QTRT1: variants seen among roughly 807,000 people sequenced by gnomAD.
QTRT1 encodes the protein TGT, 43-KD subunit.
A neutral mutation model predicts 44.0 loss-of-function variants in QTRT1; 41 were observed. The ratio of observed to expected loss-of-function variants is 0.93; its 90% confidence interval spans 0.73 to 1.21. The LOEUF is 1.21. QTRT1 is among the 50% of genes most tolerant of loss of function. The pLI is 0.00. For missense variants in QTRT1, 542 were observed against 575.8 expected, an observed-to-expected ratio of 0.94 and a Z score of 0.60; for synonymous variants, 226 against 237.1, an observed-to-expected ratio of 0.95 and a Z score of 0.43.
rs897477618 is a variant in QTRT1 at position 10,705,679 on chromosome 19, G to T, written c.452-1623G>T. On this transcript the variant is annotated intron_variant, in intron 3 of 9. Transcript: ENST00000250237. ...GCCTCCCAAGTAGCTGGGACTTCAG[G>T]TGCATGCCACCATGCCGGGCTAATT... 2.8e-4 allele frequency among the ~76,000 whole-genome samples: 43 copies of T among 151,304 alleles called. No individual in the cohort carries two copies. In the Admixed American group the frequency reaches 2.8e-3, roughly 10 times the overall value.
intron 3 of QTRT1, chr19:10,706,891 G>A (rs1441920430): frequency 2.0e-5 from 4 of 200,414 alleles, no homozygotes; most frequent in Non-Finnish European, 4.1e-5. Context: ...CCATGTTGGC[G>A]AGGCTGGTCT....
Position 10,713,241 on chromosome 19 carries a change from C to A in QTRT1, c.1183C>A (p.Leu395Met). 1 of 1,598,322 alleles carries A rather than the reference C, an allele frequency of 6.3e-7. No homozygotes were observed. ...CTGTCCCACCTGGGCCACTGACGCT[C>A]TGGCCTCTGTGGGAATCACACTGGG... ...TLCPTWATDA[L>M]ASVGITLG Residue 395 changes from leucine (L) to methionine (M), a missense_variant, in exon 10 of 10, where the codon CTG becomes ATG. Physicochemically the swap from Leu to Met is conservative, Grantham distance 15. Coordinates refer to ENST00000250237, the MANE Select transcript of QTRT1 (RefSeq NM_031209.3). The surrounding 1 kb of genome is among the most constrained non-coding windows in gnomAD (Gnocchi z 4.3).
chr19:10,713,014 C>T lies in QTRT1; in HGVS notation c.1033C>T (p.Leu345Phe). 6.2e-7 allele frequency: 1 copy of T among 1,611,668 alleles called. No individual in the cohort carries two copies. Among genetic ancestry groups the T allele is most frequent in the African/African-American group, 1.3e-5 (1 of 75,042 alleles). The change falls in exon 9 of 10, where the codon CTC becomes TTC. Residue 345 changes from leucine (L) to phenylalanine (F), a missense_variant. By Grantham distance (22) the Leu-to-Phe change is conservative. Transcript: ENST00000250237. This position sits in a 1 kb window ranked among gnomAD's most constrained non-coding sequence, Gnocchi z 4.3. ...HSDNTAALHH[L>F]TVHNIAYQLQ... ...TGACAACACGGCCGCGCTGCACCAC[C>T]TCACGGTCCACAACATCGCCTACCA... is the stretch of plus-strand genomic sequence containing the variant.
At chr19:10,708,569 C>G (rs1281463267) in intron 5 of QTRT1, among the ~76,000 whole-genome samples, 1 of 152,090 alleles carries the variant, frequency 6.6e-6, no homozygotes, top group Non-Finnish European at 1.5e-5. Flanking sequence ...TCTCAAAGTG[C>G]TCTGAGGCTT....
chr19:10,708,284 C>T (rs868535854), intron 5 of QTRT1, among the ~76,000 whole-genome samples: 28 of 151,894 alleles, frequency 1.8e-4, no homozygotes, highest in Admixed American at 3.9e-4. Flanking sequence ...TTTTGAGACA[C>T]GGTCTTACTC....
chr19:10,702,748 T>C (rs1376965113), intron 3 of QTRT1, among the ~76,000 whole-genome samples: 1 of 144,968 alleles, frequency 6.9e-6, no homozygotes, highest in Non-Finnish European at 1.5e-5. Context: ...TCCCATATCC[T>C]CAATATCCTT....
chr19:10,709,216 A>G (rs1306399361), intron 5 of QTRT1: 1 of 152,202 alleles, frequency 6.6e-6, no homozygotes, highest in Non-Finnish European at 1.5e-5. Flanking sequence ...GCAAGCCTCA[A>G]TTTCCTCTTG....
intron 3 of QTRT1, among the ~76,000 whole-genome samples, chr19:10,703,922 T>C (rs2068701051): frequency 6.6e-6 from 1 of 151,494 alleles, no homozygotes; most frequent in African/African-American, 2.4e-5. Flanking sequence ...CTCAGGTCAC[T>C]GCAACCTCTG....
In QTRT1 at chr19:10,713,267, C is replaced by A; in HGVS notation, c.1209C>A (p.Gly403=). The part of the protein sequence containing the change: ...DALASVGITL[G] ...TGGCCTCTGTGGGAATCACACTGGG[C>A]TGACCTGGCATTGGGAGAGGGAGGG... Residue 403 remains glycine, a synonymous_variant, in exon 10 of 10, where the codon GGC becomes GGA. Coordinates refer to ENST00000250237, the MANE Select transcript of QTRT1 (RefSeq NM_031209.3). The surrounding 1 kb of genome is among the most constrained non-coding windows in gnomAD (Gnocchi z 4.3). 6.3e-7 allele frequency: 1 copy of A among 1,585,636 alleles called. No homozygotes were observed. Among genetic ancestry groups the A allele is most frequent in the Non-Finnish European group, 8.6e-7 (1 of 1,166,362 alleles).
At position 10,707,538 on chromosome 19, in the gene QTRT1, A is replaced by C; in HGVS notation, c.569A>C (p.Gln190Pro). Residue 190 changes from glutamine to proline, a missense_variant, in exon 5 of 10, where the codon CAG becomes CCG. By Grantham distance (76) the Gln-to-Pro change is moderately conservative (BLOSUM62 -1). Coordinates refer to ENST00000250237, the MANE Select transcript of QTRT1 (RefSeq NM_031209.3). ...RWLDRCIAAHQRPDKQNLFAI... is the reference protein window; with the variant it reads ...RWLDRCIAAHPRPDKQNLFAI... ...CTGGACCGGTGCATTGCAGCCCATC[A>C]GCGGCCGGACAAGCAGAACCTCTTC... The C allele has an allele frequency of 6.2e-7, 1 of 1,613,130 alleles. No individual in the cohort carries two copies. The highest frequency in any genetic ancestry group is 8.5e-7 in the Non-Finnish European group (1 of 1,179,534).
Position 10,701,633 on chromosome 19 carries a change from C to T in QTRT1, c.173C>T (p.Thr58Met). The T allele has an allele frequency of 1.9e-6, 3 of 1,602,894 alleles. No individual in the cohort carries two copies. Among genetic ancestry groups the T allele is most frequent in the Non-Finnish European group, 2.6e-6 (3 of 1,175,964 alleles). The change falls in exon 1 of 10, where the codon ACG (threonine) becomes ATG (methionine). Residue 58 changes from threonine (T) to methionine (M), a missense_variant. Physicochemically the swap from Thr to Met is moderately conservative, Grantham distance 81. Coordinates refer to ENST00000250237, the MANE Select transcript of QTRT1 (RefSeq NM_031209.3). ...VGTQATMKGITTEQLDALGCR... is the reference protein window; with the variant it reads ...VGTQATMKGIMTEQLDALGCR... ...ACGCAGGCCACCATGAAGGGCATCA[C>T]GACCGAACAGCTGGACGCTCTGGGT... is the stretch of plus-strand genomic sequence containing the variant.
At chr19:10,707,987 G>A (rs374183219) in intron 5 of QTRT1, among the ~76,000 whole-genome samples, 1 of 148,690 alleles carries the variant, frequency 6.7e-6, no homozygotes, top group Non-Finnish European at 1.5e-5. Flanking sequence ...TTGCACTGTC[G>A]CCCAGGCTGG....
chr19:10,707,653 C>G (rs369708697), intron 5 of QTRT1, 38 bp downstream of exon 5: 30 of 1,468,958 alleles, frequency 2.0e-5, no homozygotes, highest in Non-Finnish European at 2.6e-5. Flanking sequence ...GCTTGGCCAT[C>G]GCGGAGGTCC....
chr19:10,712,458 G>T lies in QTRT1; in HGVS notation c.786-95G>T. The T allele has an allele frequency of 6.9e-7, 1 of 1,448,020 alleles. No homozygotes were observed. The highest frequency in any genetic ancestry group is 9.7e-7 in the Non-Finnish European group (1 of 1,033,924). 89.7% of individuals were successfully genotyped at this position (1,448,020 alleles called of 1,614,324 possible). ...CTGTCCCTTGGGGGCCATTCTGAGG[G>T]AATATGGCCCAGTCTGGGGCAGTGT... On this transcript the variant is annotated intron_variant, in intron 6 of 9. Transcript: ENST00000250237. The surrounding 1 kb of genome is among the most constrained non-coding windows in gnomAD (Gnocchi z 5.6).
chr19:10,713,050 T>C lies in QTRT1; in HGVS notation c.1059+10T>C. 6.2e-7 allele frequency: 1 copy of C among 1,610,442 alleles called. No individual in the cohort carries two copies. The highest frequency in any genetic ancestry group is 8.5e-7 in the Non-Finnish European group (1 of 1,179,852). On this transcript the variant is annotated intron_variant, in intron 9 of 9. Coordinates refer to ENST00000250237, the MANE Select transcript of QTRT1 (RefSeq NM_031209.3). The surrounding 1 kb of genome is among the most constrained non-coding windows in gnomAD (Gnocchi z 4.3). ...CAACATCGCCTACCAGGTGAGCCAG[T>C]GCCCGGGGCAAGGTGGGCGGGGGTG... is the stretch of plus-strand genomic sequence containing the variant.
chr19:10,712,695 G>GT lies in QTRT1; in HGVS notation c.862-62dup. The GT allele has an allele frequency of 1.5e-6, 1 of 655,304 alleles. No homozygotes were observed. 40.6% of individuals were successfully genotyped at this position (655,304 alleles called of 1,614,324 possible). A position where few individuals can be genotyped will look rare whatever the true frequency, so the allele number is the denominator to read the frequency against. On this transcript the variant is annotated intron_variant, in intron 7 of 9. Transcript: ENST00000250237. The surrounding 1 kb of genome is among the most constrained non-coding windows in gnomAD (Gnocchi z 5.6). ...GGGGACTAGGGAGGCAAGGTTAGGG[G>GT]TGGGGGGTGGGGAGAATGAAGCCCT...
At position 10,712,571 on chromosome 19, in the gene QTRT1, A is replaced by G. The variant is rs2068743682; in HGVS notation, c.804A>G (p.Val268=). The G allele has an allele frequency of 3.7e-6, 6 of 1,612,648 alleles. No homozygotes were observed. The East Asian group carries it at 1.3e-4, about 36-fold the overall frequency. The change falls in exon 7 of 10, where the codon GTA becomes GTG. Residue 268 remains valine (V), a synonymous_variant. Transcript: ENST00000250237. The surrounding 1 kb of genome is among the most constrained non-coding windows in gnomAD (Gnocchi z 5.6). Reference sequence around the variant, plus strand: ...ACCCCAGCTATGCCACTGATCTGGTAGTCTGCGTGGCTCTTGGATGTGACA... The same window carrying G: ...ACCCCAGCTATGCCACTGATCTGGTGGTCTGCGTGGCTCTTGGATGTGACA... ...LMGVGYATDL[V]VCVALGCDMF...
chr19:10,707,313 A>G lies in QTRT1; in HGVS notation c.463A>G (p.Ile155Val). ...QIQNALGSDI[I>V]MQLDDVVSST... ...CATCTCACCATCAGGCTCGGACATC[A>G]TCATGCAGCTGGACGACGTGGTTAG... The change falls in exon 4 of 10, where the codon ATC (isoleucine) becomes GTC (valine). Residue 155 changes from isoleucine (I) to valine (V), a missense_variant. By Grantham distance (29) the Ile-to-Val change is conservative. Coordinates refer to ENST00000250237, the MANE Select transcript of QTRT1 (RefSeq NM_031209.3). The G allele has an allele frequency of 6.2e-7, 1 of 1,614,116 alleles. No homozygotes were observed. The highest frequency in any genetic ancestry group is 8.5e-7 in the Non-Finnish European group (1 of 1,180,016).
Position 10,701,706 on chromosome 19 carries a change from G to C in QTRT1, c.243+3G>C. ...CCTACCATCTGGGTCTAAGGCCGGTGGGTGGGCTCTGCCCGCGCGGGGAGG... is the reference window on the plus strand; with the variant it reads ...CCTACCATCTGGGTCTAAGGCCGGTCGGTGGGCTCTGCCCGCGCGGGGAGG... On this transcript the variant is annotated splice_donor_region_variant and intron_variant, in intron 1 of 9. Coordinates refer to ENST00000250237, the MANE Select transcript of QTRT1 (RefSeq NM_031209.3). 5 of 1,573,722 alleles carry C rather than the reference G, an allele frequency of 3.2e-6. No individual in the cohort carries two copies. The highest frequency in any genetic ancestry group is 4.3e-6 in the Non-Finnish European group (5 of 1,160,246).
Sources: allele counts gnomAD v4.1 joint callset (sites outside exome capture counted in the v4.1 genomes callset), GRCh38; gene constraint gnomAD v4.1.1; non-coding constraint Gnocchi (gnomAD v3.1); transcripts MANE v1.5; gene names NCBI Gene and HGNC (gene_info 2026-07-23, HGNC 2026-07-21).